The following VWA2 variants were observed in gnomAD, a reference collection of about 807,000 sequenced individuals.
VWA2 encodes von Willebrand factor A domain-containing protein 2.
In VWA2, 73 loss-of-function variants were observed where a neutral mutation model predicts 70.4. The ratio of observed to expected loss-of-function variants is 1.04; its 90% CI spans 0.86 to 1.26. VWA2 has a LOEUF of 1.26. Among genes scored for constraint, VWA2 ranks in the 50% most tolerant of loss-of-function variants. The pLI is 0.00. For missense variants in VWA2, 1,011 were observed against 998.5 expected (o/e 1.01, Z -0.17); for synonymous variants, 407 against 423.3 (o/e 0.96, Z 0.47).
chr10:114,261,121 C>G, intron 4 of VWA2, 65 bp from the exon 5 acceptor site: 2 of 1,238,700 alleles, frequency 1.6e-6, no homozygotes, highest in Non-Finnish European at 2.3e-6. Flanking sequence ...CTTGCCCCTT[C>G]TTTCCTCTTA....
At position 114,292,201 on chromosome 10, in the gene VWA2, T is replaced by C. The variant is rs2039666128; in HGVS notation, c.*964T>C. On this transcript the variant is annotated 3_prime_UTR_variant, in exon 14 of 14. Coordinates refer to ENST00000392982, the MANE Select transcript of VWA2 (RefSeq NM_001272046.2). The stretch of plus-strand genomic sequence containing the variant: ...CTGAGACAGGAGAATGGCTTGAACC[T>C]GGGAGGCGGAAGTTACAGTGAGCCG... 6.6e-6 allele frequency among the ~76,000 whole-genome samples: 1 copy of C among 151,754 alleles called. No individual in the cohort carries two copies. The highest frequency in any genetic ancestry group is 2.1e-4 in the South Asian group (1 of 4,800).
intron 6 of VWA2, among the ~76,000 whole-genome samples, chr10:114,274,577 C>T (rs2037782642): frequency 6.6e-6 from 1 of 152,218 alleles, no homozygotes; most frequent in East Asian, 1.9e-4. Flanking sequence ...TGGGTTCAAG[C>T]GATTCTCATG....
intron 4 of VWA2, among the ~76,000 whole-genome samples, chr10:114,256,428 C>T (rs2037329167): frequency 1.3e-5 from 2 of 151,910 alleles, no homozygotes; most frequent in Admixed American, 6.6e-5. Flanking sequence ...TTTCTTGTAT[C>T]GGTATACAGT....
Position 114,291,608 on chromosome 10 carries a change from C to T in VWA2, c.*371C>T, listed in dbSNP as rs1010872845. 4.5e-6 allele frequency: 1 copy of T among 221,520 alleles called. No homozygotes were observed. Among genetic ancestry groups the T allele is most frequent in the African/African-American group, 2.3e-5 (1 of 42,960 alleles). The allele number at this position is 221,520 out of a possible 1,614,324, so 13.7% of individuals were successfully genotyped here. A position where few individuals can be genotyped will look rare whatever the true frequency, so the allele number is the denominator to read the frequency against. ...ACTTAAATTTAGCGGCCTGACGTTC[C>T]TTTGCACACAATCAATGCTCGCCAG... On this transcript the variant is annotated 3_prime_UTR_variant, in exon 14 of 14. Transcript: ENST00000392982.
At chr10:114,272,176 C>A (rs191801212) in intron 5 of VWA2, among the ~76,000 whole-genome samples, 44 of 152,318 alleles carry the variant, frequency 2.9e-4, no homozygotes, top group African/African-American at 9.6e-4. Context: ...TGAGATGGGA[C>A]CCCTGTAACC....
intron 8 of VWA2, among the ~76,000 whole-genome samples, chr10:114,279,200 A>T (rs535201344): frequency 1.1e-3 from 167 of 152,250 alleles, no homozygotes; most frequent in African/African-American, 3.9e-3. Context: ...TTTCCACATT[A>T]TGGGGGCTGA....
Position 114,289,495 on chromosome 10 carries a change from T to TG in VWA2, c.2122+11dup. ...CATTGAGTGGCTGTGTGGAGGTGAG[T>TG]GGGGGAATCCACACCCTCAGGGCTG... is the stretch of plus-strand genomic sequence containing the variant. On this transcript the variant is annotated splice_region_variant and intron_variant, in intron 12 of 13. Transcript: ENST00000392982. 6.2e-7 allele frequency: 1 copy of TG among 1,613,772 alleles called. No homozygotes were observed. Among genetic ancestry groups the TG allele is most frequent in the Non-Finnish European group, 8.5e-7 (1 of 1,179,862 alleles).
intron 4 of VWA2, among the ~76,000 whole-genome samples, chr10:114,258,556 T>G (rs997437732): frequency 2.0e-5 from 3 of 152,260 alleles, no homozygotes; most frequent in Non-Finnish European, 4.4e-5. Context: ...TGACTTAAGC[T>G]GCTTCCTTCT....
chr10:114,256,178 G>A (rs1198907848), intron 4 of VWA2, among the ~76,000 whole-genome samples: 1 of 152,202 alleles, frequency 6.6e-6, no homozygotes, highest in Non-Finnish European at 1.5e-5. Flanking sequence ...GCAGCATTAT[G>A]TGTATAAACT....
chr10:114,277,538 A>G (rs1564727986), intron 6 of VWA2, among the ~76,000 whole-genome samples: 1 of 151,998 alleles, frequency 6.6e-6, no homozygotes. Context: ...CCCTTTCTTC[A>G]TGTCCTAGTG....
In VWA2 at chr10:114,286,123, G is replaced by A. The variant is rs558631877; in HGVS notation, c.1182G>A (p.Ala394=). The part of the protein sequence containing the change: ...VATYSRELLV[A]VPVGEYQDVP... ...CATACAGCAGGGAGCTGCTGGTGGC[G>A]GTGCCTGTGGGGGAGTACCAGGATG... Residue 394 remains alanine, a synonymous_variant, in exon 11 of 14, where the codon GCG becomes GCA. Transcript: ENST00000392982. The A allele has an allele frequency of 9.3e-6, 15 of 1,613,998 alleles. No individual in the cohort carries two copies. The highest frequency in any genetic ancestry group is 6.7e-5 in the East Asian group (3 of 44,902).
At chr10:114,253,133 C>T (rs1314673965) in intron 2 of VWA2, among the ~76,000 whole-genome samples, 1 of 145,746 alleles carries the variant, frequency 6.9e-6, no homozygotes, top group East Asian at 2.1e-4. Context: ...GTTCACTGTT[C>T]AGCAATCCTG....
At position 114,286,484 on chromosome 10, in the gene VWA2, G is replaced by A; in HGVS notation, c.1543G>A (p.Gly515Arg). The A allele has an allele frequency of 6.3e-7, 1 of 1,588,152 alleles. No individual in the cohort carries two copies. Among genetic ancestry groups the A allele is most frequent in the Non-Finnish European group, 8.6e-7 (1 of 1,163,296 alleles). The change falls in exon 11 of 14, where the codon GGG (glycine) becomes AGG (arginine). Residue 515 changes from glycine (G) to arginine (R), a missense_variant. Physicochemically the swap from Gly to Arg is moderately radical, Grantham distance 125. Coordinates refer to ENST00000392982, the MANE Select transcript of VWA2 (RefSeq NM_001272046.2). ...DLFNQIPELQ[G>R]KLCSRQRPGC... ...GTTCAACCAAATCCCTGAGCTGCAGGGGAAGCTGTGCAGCCGGCAGCGGCC... is the reference window on the plus strand; with the variant it reads ...GTTCAACCAAATCCCTGAGCTGCAGAGGAAGCTGTGCAGCCGGCAGCGGCC...
At chr10:114,247,354 T>C (rs768305798) in intron 1 of VWA2, among the ~76,000 whole-genome samples, 30 of 152,128 alleles carry the variant, frequency 2.0e-4, no homozygotes, top group Non-Finnish European at 3.4e-4. Context: ...GAACACATGC[T>C]CTACCTCCAT....
chr10:114,258,888 CTT>C (rs576069563), intron 4 of VWA2, among the ~76,000 whole-genome samples: 28 of 152,292 alleles, frequency 1.8e-4, no homozygotes, highest in Middle Eastern at 6.8e-3. Context: ...TCATGGAAAT[CTT>C]TGCGTATCTG....
chr10:114,270,202 T>C (rs959597533), intron 5 of VWA2, among the ~76,000 whole-genome samples: 1 of 152,176 alleles, frequency 6.6e-6, no homozygotes, highest in Admixed American at 6.5e-5. Flanking sequence ...ACTAGCCAGA[T>C]GAGAGTCAGG....
rs148020287 is a variant in VWA2 at position 114,289,440 on chromosome 10, C to T, written c.2073C>T (p.Tyr691=). 7.6e-4 allele frequency: 1,219 copies of T among 1,614,210 alleles called. 10 individuals are homozygous for T. The African/African-American group carries it at 0.015, about 20-fold the overall frequency. Residue 691 remains tyrosine (Y), a synonymous_variant, in exon 12 of 14, where the codon TAC becomes TAT. Transcript: ENST00000392982. ...PRDSLIHVAA[Y]ADLRYHQDVL... ...ATTCCCTGATCCACGTGGCAGCTTACGCCGACCTGCGGTACCACCAGGACG... is the reference window on the plus strand; with the variant it reads ...ATTCCCTGATCCACGTGGCAGCTTATGCCGACCTGCGGTACCACCAGGACG...
At chr10:114,259,971 C>T (rs1015066293) in intron 4 of VWA2, among the ~76,000 whole-genome samples, 7 of 152,312 alleles carry the variant, frequency 4.6e-5, no homozygotes, top group African/African-American at 7.2e-5. Flanking sequence ...TGTGGCAGGG[C>T]GTTTCCATCA....
intron 1 of VWA2, among the ~76,000 whole-genome samples, chr10:114,248,354 G>C (rs1564712713): frequency 1.3e-5 from 2 of 152,112 alleles, no homozygotes; most frequent in Non-Finnish European, 2.9e-5. Flanking sequence ...TTTGCCCAGG[G>C]TCACGTGGCT....
Sources: gnomAD v4.1 joint callset for allele counts (sites outside exome capture counted in the v4.1 genomes callset) on GRCh38, gnomAD v4.1.1 for gene constraint, MANE v1.5 for transcripts, NCBI Gene and HGNC (gene_info 2026-07-23, HGNC 2026-07-21) for gene names.